Variants in COX10 observed in about 807,000 individuals in gnomAD.
The protein encoded by COX10 is protoheme IX farnesyltransferase, mitochondrial.
A neutral mutation model predicts 37.3 loss-of-function variants in COX10; 27 were observed. That is an observed-to-expected ratio of 0.72 (90% confidence interval 0.53 to 1.00). The LOEUF (loss-of-function observed/expected upper bound fraction) is 1.00, where lower values mean the gene tolerates loss of function less well. Among genes scored for constraint, COX10 ranks in the 50% least tolerant of loss-of-function variants. The probability of loss-of-function intolerance (pLI) is 0.00; values close to 1 mark genes in which losing one functional copy is unlikely to be tolerated. For synonymous variants in COX10, 222 were observed against 229.1 expected, an observed-to-expected ratio of 0.97 and a Z score of 0.28; for missense variants, 475 against 563.2, an observed-to-expected ratio of 0.84 and a Z score of 1.59.
intron 5 of COX10, among the ~76,000 whole-genome samples, chr17:14,182,544 T>C (rs1905900764): frequency 6.6e-6 from 1 of 152,184 alleles, no homozygotes; most frequent in Non-Finnish European, 1.5e-5. Flanking sequence ...AGAAAACTCC[T>C]AAATAAGATT....
At chr17:14,080,704 G>A (rs1171533669) in intron 3 of COX10, among the ~76,000 whole-genome samples, 1 of 151,992 alleles carries the variant, frequency 6.6e-6, no homozygotes, top group African/African-American at 2.4e-5. Context: ...TATATTCTTG[G>A]TCATTCCTTA....
At chr17:14,118,156 G>A (rs1010097254) in intron 4 of COX10, among the ~76,000 whole-genome samples, 4 of 152,004 alleles carry the variant, frequency 2.6e-5, no homozygotes, top group Non-Finnish European at 4.4e-5. Flanking sequence ...GTTTTTATGG[G>A]CACAGGATAG....
chr17:14,191,692 C>G (rs1262724598), intron 5 of COX10, among the ~76,000 whole-genome samples: 1 of 152,138 alleles, frequency 6.6e-6, no homozygotes, highest in Non-Finnish European at 1.5e-5. Flanking sequence ...ACCTAGCTGC[C>G]CTATAGCCAG....
rs758766413 is a variant in COX10 at position 14,207,104 on chromosome 17, C to T, written c.1223C>T (p.Ser408Leu). The T allele has an allele frequency of 3.7e-6, 6 of 1,613,790 alleles. No individual in the cohort carries two copies. Among genetic ancestry groups the T allele is most frequent in the Admixed American group, 1.7e-5 (1 of 60,006 alleles). Reference protein sequence around the residue: ...RFYVDADRRSSRRLFFCSLWH... With the variant: ...RFYVDADRRSLRRLFFCSLWH... ...TACGTGGACGCAGACCGCAGGAGCT[C>T]GCGGAGACTGTTCTTCTGCAGCCTG... is the stretch of plus-strand genomic sequence containing the variant. The change falls in exon 7 of 7, where the codon TCG (serine) becomes TTG (leucine). Residue 408 changes from serine to leucine, a missense_variant. Physicochemically the swap from Ser to Leu is moderately radical, Grantham distance 145. This residue lies in a region of COX10 where 160 missense variants were observed against 180.6 expected (regional missense o/e 0.89). Transcript: ENST00000261643.
At chr17:14,127,213 G>C (rs1441117650) in intron 4 of COX10, among the ~76,000 whole-genome samples, 1 of 152,232 alleles carries the variant, frequency 6.6e-6, no homozygotes, top group Admixed American at 6.5e-5. Context: ...CCTTTCTACT[G>C]TAGATGTATA....
intron 5 of COX10, among the ~76,000 whole-genome samples, chr17:14,182,455 C>T (rs1476395925): frequency 6.6e-6 from 1 of 151,900 alleles, no homozygotes; most frequent in Non-Finnish European, 1.5e-5. Context: ...TCATTTTCTT[C>T]ACAATTTCCT....
intron 3 of COX10, among the ~76,000 whole-genome samples, chr17:14,084,941 T>G (rs898347787): frequency 6.6e-6 from 1 of 152,190 alleles, no homozygotes; most frequent in Admixed American, 6.5e-5. Flanking sequence ...ATTACAGGCG[T>G]GAGTCACTGC....
intron 3 of COX10, among the ~76,000 whole-genome samples, chr17:14,080,966 C>G (rs1230071622): frequency 6.6e-6 from 1 of 151,978 alleles, no homozygotes; most frequent in Admixed American, 6.6e-5. Context: ...TGCATATTCT[C>G]TAATGCTTTG....
chr17:14,207,334 T>C lies in COX10; in HGVS notation c.*121T>C, dbSNP rs1906741567. 7.0e-6 allele frequency: 9 copies of C among 1,288,718 alleles called. No homozygotes were observed. Among genetic ancestry groups the C allele is most frequent in the South Asian group, 3.3e-5 (2 of 59,936 alleles). 79.8% of individuals were successfully genotyped at this position (1,288,718 alleles called of 1,614,324 possible). ...ACAAGATTATAAACGAATTCGGTGC[T>C]CAGTGATCACTTGACAGTTTTTTTT... On this transcript the variant is annotated 3_prime_UTR_variant, in exon 7 of 7. Transcript: ENST00000261643.
rs750400414 is a variant in COX10, at chr17:14,069,513, A to T, written c.-93A>T. 1.3e-6 allele frequency: 2 copies of T among 1,504,190 alleles called. No homozygotes were observed. The highest frequency in any genetic ancestry group is 1.8e-6 in the Non-Finnish European group (2 of 1,089,684). 93.2% of individuals were successfully genotyped at this position (1,504,190 alleles called of 1,614,324 possible). The stretch of plus-strand genomic sequence containing the variant: ...GAAGTGGCGGCCCGGAACTACTCCC[A>T]CAGGGGGGCGGGGAAGGAAGATGGC... On this transcript the variant is annotated 5_prime_UTR_variant, in exon 1 of 7. Transcript: ENST00000261643.
intron 4 of COX10, among the ~76,000 whole-genome samples, chr17:14,148,328 G>A (rs1429967266): frequency 6.6e-6 from 1 of 152,178 alleles, no homozygotes; most frequent in African/African-American, 2.4e-5. Context: ...TTGGTAACCA[G>A]AGAGTAATGG....
intron 4 of COX10, among the ~76,000 whole-genome samples, chr17:14,139,880 G>T (rs886169403): frequency 4.6e-5 from 7 of 152,100 alleles, no homozygotes; most frequent in African/African-American, 1.7e-4. Context: ...AGCAATGTAG[G>T]CCTGGAGAAC....
chr17:14,144,748 C>A (rs538207580), intron 4 of COX10, among the ~76,000 whole-genome samples: 14 of 152,228 alleles, frequency 9.2e-5, no homozygotes, highest in Admixed American at 7.9e-4. Context: ...ACCCTGGATA[C>A]CCCCGTTAAC....
intron 4 of COX10, among the ~76,000 whole-genome samples, chr17:14,134,064 C>T (rs1916524541): frequency 1.3e-5 from 2 of 151,576 alleles, no homozygotes. Context: ...AATTCCTTTT[C>T]ATACTGTAAA....
At chr17:14,077,527 AT>A (rs1915185112) in intron 3 of COX10, among the ~76,000 whole-genome samples, 2 of 152,110 alleles carry the variant, frequency 1.3e-5, no homozygotes, top group Admixed American at 6.6e-5. Context: ...TGTAGGGTGC[AT>A]TTTTCCTGAA....
chr17:14,154,429 T>C (rs1904988685), intron 4 of COX10, among the ~76,000 whole-genome samples: 1 of 152,234 alleles, frequency 6.6e-6, no homozygotes, highest in Admixed American at 6.5e-5. Flanking sequence ...TTTTAAATTA[T>C]GTAATTCTTG....
chr17:14,148,986 G>T (rs913378153), intron 4 of COX10, among the ~76,000 whole-genome samples: 2 of 147,622 alleles, frequency 1.4e-5, no homozygotes, highest in African/African-American at 4.9e-5. Flanking sequence ...AATATAAAAT[G>T]TATTGTTAGT....
chr17:14,181,876 T>A (rs2142256415), intron 5 of COX10: 1 of 622,308 alleles, frequency 1.6e-6, no homozygotes, highest in African/African-American at 2.0e-5. Context: ...GAAGTCTTTG[T>A]ACAAATTACC....
At chr17:14,199,282 A>G (rs371908784) in intron 6 of COX10, among the ~76,000 whole-genome samples, 2 of 152,200 alleles carry the variant, frequency 1.3e-5, no homozygotes, top group East Asian at 1.9e-4. Flanking sequence ...TCTGGTAGAC[A>G]TGGTGCCTGG....
Sources: allele counts gnomAD v4.1 joint callset (sites outside exome capture counted in the v4.1 genomes callset), GRCh38; gene constraint gnomAD v4.1.1; regional missense constraint gnomAD v4.1.1; transcripts MANE v1.5; gene names NCBI Gene and HGNC (gene_info 2026-07-23, HGNC 2026-07-21).